Variants in RMDN3 observed in about 807,000 individuals in gnomAD.
The protein encoded by RMDN3 is regulator of microtubule dynamics 3.
Under a neutral mutation model 61.8 loss-of-function variants are expected in RMDN3, and 41 were observed. That is an observed-to-expected ratio of 0.66 (90% CI 0.52 to 0.86). The LOEUF is 0.86. Ranked by LOEUF, RMDN3 falls within the 40% of genes least tolerant of loss-of-function variation. The pLI, the probability that RMDN3 is intolerant of heterozygous loss-of-function variation, is 0.00. For missense variants in RMDN3, 557 were observed against 585.3 expected, an observed-to-expected ratio of 0.95 and a Z score of 0.50; for synonymous variants, 247 against 232.0, an observed-to-expected ratio of 1.06 and a Z score of -0.59.
chr15:40,740,069 G>C (rs368066908), intron 7 of RMDN3, 64 bp downstream of exon 7: 187 of 1,105,488 alleles, frequency 1.7e-4, no homozygotes, highest in Non-Finnish European at 2.3e-4. Context: ...GCAGAGAAAA[G>C]AAAGGGCTGT....
In RMDN3 at chr15:40,738,026, G is replaced by C. The variant is rs754655723; in HGVS notation, c.1064C>G (p.Ala355Gly). The C allele has an allele frequency of 6.2e-6, 10 of 1,614,164 alleles. No individual in the cohort carries two copies. In the South Asian group the frequency reaches 1.1e-4, roughly 18 times the overall value. ...GFSFKEHVDK[A>G]IALQPENPMA... is the part of the protein sequence containing the mutation. ...GGGGTTTTCTGGCTGGAGAGCAATG[G>C]CTTTGTCCACATGCTCCTAAGGGGA... Residue 355 changes from alanine (A) to glycine (G), a missense_variant, in exon 9 of 13, where the codon GCC becomes GGC. Transcript: ENST00000338376.
intron 7 of RMDN3, chr15:40,739,659 G>A (rs1342928968): frequency 1.3e-5 from 2 of 156,506 alleles, no homozygotes; most frequent in Non-Finnish European, 2.8e-5. Context: ...AAAAAGGGCT[G>A]ATGTTTTTGC....
intron 4 of RMDN3, among the ~76,000 whole-genome samples, chr15:40,745,919 A>G (rs1426129848): frequency 6.6e-6 from 1 of 152,114 alleles, no homozygotes; most frequent in Admixed American, 6.5e-5. Flanking sequence ...CCAAACCTAA[A>G]CCGCAACAGG....
rs757709607 is a variant in RMDN3, at chr15:40,752,057, C to T, written c.309G>A (p.Ala103=). The T allele has an allele frequency of 6.2e-6, 10 of 1,614,098 alleles. No individual in the cohort carries two copies. Among genetic ancestry groups the T allele is most frequent in the African/African-American group, 5.3e-5 (4 of 74,936 alleles). ...TCAGCTCCTCCACCTCCCGCCGCAG[C>T]GCCACAAGGCTGGTCAGCACAAAGT... The part of the protein sequence containing the change: ...RLDFVLTSLV[A]LRREVEELRS... The change falls in exon 3 of 13, where the codon GCG becomes GCA. Residue 103 remains alanine, a synonymous_variant. Transcript: ENST00000338376.
chr15:40,752,321 C>G, intron 2 of RMDN3, 143 bp from the exon 3 acceptor site: 1 of 814,616 alleles, frequency 1.2e-6, no homozygotes, highest in Non-Finnish European at 1.9e-6. Flanking sequence ...ACAGCCAGGT[C>G]ATGGTAACAA....
intron 6 of RMDN3, among the ~76,000 whole-genome samples, chr15:40,742,421 T>C (rs1251552179): frequency 2.0e-5 from 3 of 152,154 alleles, no homozygotes; most frequent in African/African-American, 7.2e-5. Flanking sequence ...GATTTCTCTC[T>C]GCCCTCTTCA....
chr15:40,738,388 A>G (rs1897148320), intron 8 of RMDN3, 113 bp downstream of exon 8: 1 of 1,009,350 alleles, frequency 9.9e-7, no homozygotes, highest in Non-Finnish European at 1.5e-6. Flanking sequence ...TCTCAAAAAA[A>G]AAGAAGAAAG....
At chr15:40,754,838 G>T in intron 1 of RMDN3, 48 bp from the exon 2 acceptor site, 2 of 1,073,596 alleles carry the variant, frequency 1.9e-6, no homozygotes, top group East Asian at 2.6e-5. Context: ...GCGGGCGGGC[G>T]GGGGTAAGGA....
chr15:40,736,490 C>G lies in RMDN3; in HGVS notation c.*51G>C. ...AGGTCTAAGGAAAAAAGCCTCCCCG[C>G]CCCCCCACCTTAAATAGTGGCATCA... On this transcript the variant is annotated 3_prime_UTR_variant, in exon 13 of 13. Coordinates refer to ENST00000338376, the MANE Select transcript of RMDN3 (RefSeq NM_018145.3). 1.9e-6 allele frequency: 3 copies of G among 1,551,662 alleles called. No homozygotes were observed. Among genetic ancestry groups the G allele is most frequent in the Non-Finnish European group, 2.7e-6 (3 of 1,127,122 alleles).
Position 40,743,803 on chromosome 15 carries a change from C to A in RMDN3, c.910+244G>T, listed in dbSNP as rs147373906. Among the ~76,000 whole-genome samples, 147 of 152,368 alleles carry A rather than the reference C, an allele frequency of 9.6e-4. 1 individual carries two copies. Among genetic ancestry groups the A allele is most frequent in the African/African-American group, 3.3e-3 (139 of 41,592 alleles). On this transcript the variant is annotated intron_variant, in intron 6 of 12. Transcript: ENST00000338376. Reference sequence around the variant, plus strand: ...AAAAACGAATAACATTGATAGGATACAACTACTCCTAGAAACACATGCACG... The same window carrying A: ...AAAAACGAATAACATTGATAGGATAAAACTACTCCTAGAAACACATGCACG...
chr15:40,755,122 T>G lies in RMDN3; in HGVS notation c.-47A>C. ...ACTGCAGACCACAAACCCGGCGCCCTGGCTGCAAACTCCTGGCCTTCCGCC... is the reference window on the plus strand; with the variant it reads ...ACTGCAGACCACAAACCCGGCGCCCGGGCTGCAAACTCCTGGCCTTCCGCC... On this transcript the variant is annotated 5_prime_UTR_variant, in exon 1 of 13. Transcript: ENST00000338376. The G allele has an allele frequency of 4.8e-6, 1 of 209,804 alleles. No homozygotes were observed. Among genetic ancestry groups the G allele is most frequent in the Non-Finnish European group, 9.6e-6 (1 of 103,978 alleles). The allele number at this position is 209,804 out of a possible 1,614,324, so 13.0% of individuals were successfully genotyped here. A position where few individuals can be genotyped will look rare whatever the true frequency, so the allele number is the denominator to read the frequency against.
At chr15:40,746,233 A>C (rs1213878848) in intron 4 of RMDN3, among the ~76,000 whole-genome samples, 1 of 152,160 alleles carries the variant, frequency 6.6e-6, no homozygotes, top group Non-Finnish European at 1.5e-5. Flanking sequence ...AGCAAACACA[A>C]GGCTGGGGGC....
rs1191702953 is a variant in RMDN3, at chr15:40,737,975, C to T, written c.1115G>A (p.Trp372Ter). Reference protein sequence around the residue: ...NPMAHFLLGRWCYQVSHLSWL... With the variant: ...NPMAHFLLGR ...TGAAACGCAGCTTACCTGATAGCAC[C>T]ACCTGCCAAGAAGAAAGTGAGCCAT... is the stretch of plus-strand genomic sequence containing the variant. Residue 372 changes from tryptophan (W) to a stop codon, truncating the protein, a stop_gained, in exon 9 of 13, where the codon TGG becomes TAG. Transcript: ENST00000338376. LOFTEE classifies it high-confidence loss of function. 1.2e-6 allele frequency: 2 copies of T among 1,614,014 alleles called. No individual in the cohort carries two copies. The highest frequency in any genetic ancestry group is 1.3e-5 in the African/African-American group (1 of 74,916).
intron 4 of RMDN3, among the ~76,000 whole-genome samples, chr15:40,750,818 C>A (rs1306548980): frequency 6.6e-6 from 1 of 152,226 alleles, no homozygotes; most frequent in Non-Finnish European, 1.5e-5. Context: ...GATGCTGCTA[C>A]TGACATCACA....
In RMDN3 at chr15:40,739,645, C is replaced by T. The variant is rs531150831; in HGVS notation, c.971+488G>A. On this transcript the variant is annotated intron_variant, in intron 7 of 12. Coordinates refer to ENST00000338376, the MANE Select transcript of RMDN3 (RefSeq NM_018145.3). ...TGACAGAACTTTGCCTCACATGAGA[C>T]CACAAAAAGGGCTGATGTTTTTGCA... 500 of 156,060 alleles carry T rather than the reference C, an allele frequency of 3.2e-3. 2 individuals carry two copies. Among genetic ancestry groups the T allele is most frequent in the Non-Finnish European group, 5.8e-3 (405 of 70,096 alleles). 9.7% of individuals were successfully genotyped at this position (156,060 alleles called of 1,614,324 possible).
chr15:40,748,149 T>C (rs982946523), intron 4 of RMDN3, among the ~76,000 whole-genome samples: 1 of 152,194 alleles, frequency 6.6e-6, no homozygotes, highest in African/African-American at 2.4e-5. Flanking sequence ...AAAGTTGTTA[T>C]TTGGAAGAAG....
chr15:40,737,564 T>C, intron 10 of RMDN3, 64 bp downstream of exon 10: 1 of 1,454,072 alleles, frequency 6.9e-7, no homozygotes, highest in Non-Finnish European at 9.6e-7. Flanking sequence ...AGGGTCTCAA[T>C]AATGTCCTTA....
chr15:40,736,616 C>A lies in RMDN3; in HGVS notation c.1360-22G>T, dbSNP rs748441704. The A allele has an allele frequency of 6.8e-6, 11 of 1,611,456 alleles. 1 individual carries two copies. The highest frequency in any genetic ancestry group is 9.3e-6 in the Non-Finnish European group (11 of 1,178,086). On this transcript the variant is annotated intron_variant, in intron 12 of 12. Coordinates refer to ENST00000338376, the MANE Select transcript of RMDN3 (RefSeq NM_018145.3). Reference sequence around the variant, plus strand: ...AATCCTAGGGAGACAAAGAACAAATCTAGGGCTCAAAATTTAAACCAGCAT... The same window carrying A: ...AATCCTAGGGAGACAAAGAACAAATATAGGGCTCAAAATTTAAACCAGCAT...
Position 40,746,326 on chromosome 15 carries a change from T to C in RMDN3, c.525-1067A>G, listed in dbSNP as rs941931412. Among the ~76,000 whole-genome samples, 19 of 152,078 alleles carry C rather than the reference T, an allele frequency of 1.2e-4. No homozygotes were observed. The South Asian group carries it at 1.9e-3, about 15-fold the overall frequency. On this transcript the variant is annotated intron_variant, in intron 4 of 12. Coordinates refer to ENST00000338376, the MANE Select transcript of RMDN3 (RefSeq NM_018145.3). ...GTCAGGAGATCAAGACCATCCTGGC[T>C]AACACGGTGAAACCCTGTCTCTACT...
Sources: allele counts gnomAD v4.1 joint callset (sites outside exome capture counted in the v4.1 genomes callset), GRCh38; gene constraint gnomAD v4.1.1; transcripts MANE v1.5; gene names NCBI Gene and HGNC (gene_info 2026-07-23, HGNC 2026-07-21).